Variants in DNAH17 observed in about 807,000 individuals in gnomAD.
DNAH17 encodes the protein axonemal beta dynein heavy chain 17.
DNAH17 carries 376 observed loss-of-function variants against 485.6 expected under a neutral mutation model. The observed-to-expected ratio is 0.77, with a 90% confidence interval of 0.71 to 0.84. The LOEUF (loss-of-function observed/expected upper bound fraction) is 0.84. DNAH17 is among the 40% of genes least tolerant of loss of function. The probability of loss-of-function intolerance (pLI) is 0.00; values close to 1 mark genes in which losing one functional copy is unlikely to be tolerated. For synonymous variants in DNAH17, 3,031 were observed against 2,405.9 expected, an observed-to-expected ratio of 1.26 and a Z score of -7.60; for missense variants, 6,370 against 5,839.3, an observed-to-expected ratio of 1.09 and a Z score of -2.96.
rs2092374296 is a variant in DNAH17 at position 78,572,551 on chromosome 17, C to T, written c.539+150G>A. ...AGTCTCAGCACCACCTAACGCACCA[C>T]CTTGCCCTGCATTTCCCCGGCTTTA... On this transcript the variant is annotated intron_variant, in intron 3 of 80. Coordinates refer to ENST00000389840, the MANE Select transcript of DNAH17 (RefSeq NM_173628.4). 4 of 771,548 alleles carry T rather than the reference C, an allele frequency of 5.2e-6. No homozygotes were observed. In the Admixed American group the frequency reaches 8.3e-5, roughly 16 times the overall value. The allele number at this position is 771,548 out of a possible 1,614,324, so 47.8% of individuals were successfully genotyped here.
chr17:78,560,059 A>T (rs1035457280), intron 13 of DNAH17, among the ~76,000 whole-genome samples: 1 of 151,846 alleles, frequency 6.6e-6, no homozygotes, highest in Admixed American at 6.6e-5. Flanking sequence ...TGCACCTTCT[A>T]CCATATCATA....
At chr17:78,569,899 T>C (rs1568271216) in intron 7 of DNAH17, among the ~76,000 whole-genome samples, 1 of 152,012 alleles carries the variant, frequency 6.6e-6, no homozygotes, top group Admixed American at 6.5e-5. Flanking sequence ...TGCTTATGAA[T>C]GGGAAGAAGG....
At position 78,569,361 on chromosome 17, in the gene DNAH17, C is replaced by T. The variant is rs186396905; in HGVS notation, c.1197+14G>A. On this transcript the variant is annotated intron_variant, in intron 8 of 80. Coordinates refer to ENST00000389840, the MANE Select transcript of DNAH17 (RefSeq NM_173628.4). ...TCGTCCTGCCTTGGCCCTCGCCCTG[C>T]GAGGAAGGGGTACCTTAAAGAAAAG... 4.4e-5 allele frequency: 71 copies of T among 1,612,102 alleles called. No individual in the cohort carries two copies. Among genetic ancestry groups the T allele is most frequent in the Non-Finnish European group, 5.3e-5 (63 of 1,178,992 alleles).
intron 48 of DNAH17, among the ~76,000 whole-genome samples, chr17:78,483,441 C>A (rs2089439782): frequency 6.6e-6 from 1 of 152,012 alleles, no homozygotes; most frequent in Admixed American, 6.5e-5. Context: ...ACCTGCCTGG[C>A]CAATATAGTT....
intron 48 of DNAH17, 124 bp downstream of exon 48, chr17:78,484,744 C>CCCGG: frequency 1.4e-5 from 6 of 428,268 alleles, no homozygotes; most frequent in East Asian, 5.5e-5. Flanking sequence ...GCAGCACCCC[C>CCCGG]CCCACCGCCC....
rs2090324069 is a variant in DNAH17 at position 78,502,285 on chromosome 17, T to C, written c.5190+306A>G. ...TTCTCCTTCTTTTCAAGATGATCTTTTGTTTCCATATTTCTAACCAAGGAC... is the reference window on the plus strand; with the variant it reads ...TTCTCCTTCTTTTCAAGATGATCTTCTGTTTCCATATTTCTAACCAAGGAC... On this transcript the variant is annotated intron_variant, in intron 33 of 80. Transcript: ENST00000389840. The C allele has an allele frequency of 8.7e-6, 3 of 345,382 alleles. No homozygotes were observed. The South Asian group carries it at 1.4e-4, about 16-fold the overall frequency. The allele number at this position is 345,382 out of a possible 1,614,324, so 21.4% of individuals were successfully genotyped here.
chr17:78,428,831 G>A, intron 76 of DNAH17, 124 bp from the exon 77 acceptor site: 1 of 1,218,894 alleles, frequency 8.2e-7, no homozygotes, highest in South Asian at 1.4e-5. Context: ...GATCCCACTT[G>A]TTTCCCAGCC....
chr17:78,431,969 T>C (rs1189084695), intron 75 of DNAH17, among the ~76,000 whole-genome samples: 1 of 151,830 alleles, frequency 6.6e-6, no homozygotes, highest in Non-Finnish European at 1.5e-5. Context: ...CCCAGGAGTT[T>C]GAGACCAGCT....
At position 78,462,979 on chromosome 17, in the gene DNAH17, G is replaced by A. The variant is rs753537925; in HGVS notation, c.9039C>T (p.Asn3013=). ...CCAGAAAGGTTTTGGGTGTGGTGTA[G>A]TTGTAGCGCCTCTCAGTAGCCAGGT... ...RVYLATERRY[N]YTTPKTFLEQ... Residue 3013 remains asparagine, a synonymous_variant, in exon 57 of 81, where the codon AAC becomes AAT. Coordinates refer to ENST00000389840, the MANE Select transcript of DNAH17 (RefSeq NM_173628.4). 1.2e-6 allele frequency: 2 copies of A among 1,614,016 alleles called. No individual in the cohort carries two copies. Among genetic ancestry groups the A allele is most frequent in the Non-Finnish European group, 1.7e-6 (2 of 1,179,890 alleles).
chr17:78,450,724 A>T lies in DNAH17; in HGVS notation c.10857T>A (p.Asn3619Lys), dbSNP rs1273829317. ...NFLGDTALVENLETTKHTASE... is the reference protein window; with the variant it reads ...NFLGDTALVEKLETTKHTASE... ...TGGCTGTGTGCTTGGTGGTCTCCAG[A>T]TTCTCCACCAAGGCCGTGTCTCCCA... is the stretch of plus-strand genomic sequence containing the variant. The change falls in exon 67 of 81, where the codon AAT becomes AAA. Residue 3619 changes from asparagine to lysine, a missense_variant. By Grantham distance (94) the Asn-to-Lys change is moderately conservative. Transcript: ENST00000389840. The T allele has an allele frequency of 6.2e-7, 1 of 1,613,862 alleles. No homozygotes were observed. Among genetic ancestry groups the T allele is most frequent in the Admixed American group, 1.7e-5 (1 of 60,008 alleles).
intron 16 of DNAH17, among the ~76,000 whole-genome samples, chr17:78,544,804 A>AAAAAAAAAAAAAAAAAAAAAAAAAAG (rs2091709934): frequency 7.5e-6 from 1 of 132,894 alleles, no homozygotes; most frequent in Non-Finnish European, 1.6e-5. Context: ...CAGTCTCAAA[A>AAAAAAAAAAAAAAAAAAAAAAAAAAG]AAAAAAAAAA....
chr17:78,435,581 C>A (rs903703230), intron 74 of DNAH17, among the ~76,000 whole-genome samples: 1 of 152,180 alleles, frequency 6.6e-6, no homozygotes, highest in Admixed American at 6.5e-5. Context: ...CTCAGTGCCC[C>A]GATCCCTGTC....
At chr17:78,480,867 C>A in intron 48 of DNAH17, 81 bp from the exon 49 acceptor site, 1 of 930,806 alleles carries the variant, frequency 1.1e-6, no homozygotes, top group Non-Finnish European at 1.7e-6. Context: ...CCCAAGAATG[C>A]CCTCCTTATT....
intron 49 of DNAH17, among the ~76,000 whole-genome samples, chr17:78,480,030 TTTTTTTTTTTTTTTTTTTTA>T (rs2089280285): frequency 4.8e-5 from 3 of 62,854 alleles, no homozygotes; most frequent in South Asian, 6.2e-4. Context: ...TTTTTTTTTT[TTTTTTTTTTTTTTTTTTTTA>T]AAAAAAGTAT....
intron 44 of DNAH17, among the ~76,000 whole-genome samples, chr17:78,486,753 T>A (rs2146652253): frequency 6.6e-6 from 1 of 151,822 alleles, no homozygotes; most frequent in Middle Eastern, 3.4e-3. Context: ...GCTATGGGGG[T>A]GCTGTAGGTC....
intron 74 of DNAH17, among the ~76,000 whole-genome samples, chr17:78,436,661 T>C (rs1001102460): frequency 1.3e-5 from 2 of 151,918 alleles, no homozygotes; most frequent in East Asian, 1.9e-4. Flanking sequence ...CTGGCCAACA[T>C]AGCGAAATCT....
chr17:78,535,454 A>G (rs2091349596), intron 19 of DNAH17, among the ~76,000 whole-genome samples: 1 of 152,034 alleles, frequency 6.6e-6, no homozygotes, highest in South Asian at 2.1e-4. Flanking sequence ...TCGTGTCCTC[A>G]TGTCACCTCT....
chr17:78,526,199 G>C (rs906995296), intron 24 of DNAH17, among the ~76,000 whole-genome samples: 15 of 152,356 alleles, frequency 9.8e-5, no homozygotes, highest in African/African-American at 3.1e-4. Context: ...AACAGAGTGG[G>C]AACACGAGTG....
chr17:78,550,727 T>C (rs1363362559), intron 16 of DNAH17, among the ~76,000 whole-genome samples: 7 of 152,152 alleles, frequency 4.6e-5, no homozygotes, highest in Non-Finnish European at 1.0e-4. Flanking sequence ...CAGTTTGTGA[T>C]GGCCGCCCTA....
Sources: gnomAD v4.1 joint callset for allele counts (sites outside exome capture counted in the v4.1 genomes callset) on GRCh38, gnomAD v4.1.1 for gene constraint, MANE v1.5 for transcripts, NCBI Gene and HGNC (gene_info 2026-07-23, HGNC 2026-07-21) for gene names.